Variants in PASK observed in about 807,000 individuals in gnomAD.
PASK encodes the protein PAS domain-containing serine/threonine-protein kinase.
A neutral mutation model predicts 121.0 loss-of-function variants in PASK; 110 were observed. The observed-to-expected ratio is 0.91, with a 90% confidence interval of 0.78 to 1.06. The LOEUF (loss-of-function observed/expected upper bound fraction) is 1.06. Ranked by LOEUF, PASK falls within the 50% of genes least tolerant of loss-of-function variation. PASK has a pLI of 0.00. For missense variants in PASK, 1,643 were observed against 1,702.3 expected (o/e 0.97, Z 0.61); for synonymous variants, 686 against 717.8 (o/e 0.96, Z 0.71).
At chr2:241,118,886 C>T (rs1430228099) in intron 12 of PASK, 1 of 1,008,182 alleles carries the variant, frequency 9.9e-7, no homozygotes, top group Non-Finnish European at 1.2e-6. Context: ...AGCTCCTGGA[C>T]CCGCAGCAGC....
Position 241,126,802 on chromosome 2 carries a change from A to T in PASK, c.2113T>A (p.Cys705Ser). 1 of 1,613,944 alleles carries T rather than the reference A, an allele frequency of 6.2e-7. No individual in the cohort carries two copies. Among genetic ancestry groups the T allele is most frequent in the Non-Finnish European group, 8.5e-7 (1 of 1,179,932 alleles). The change falls in exon 10 of 18, where the codon TGC becomes AGC. Residue 705 changes from cysteine (C) to serine (S), a missense_variant. Coordinates refer to ENST00000234040, the MANE Select transcript of PASK (RefSeq NM_015148.4). ...GAGGAGCTGCCCGTGCAGCCACCGC[A>T]CAGGTCTCTGCCTCCCAGATCGCAG... is the stretch of plus-strand genomic sequence containing the variant. ...SSCDLGGRDL[C>S]GGCTGSSSAC...
rs768587311 is a variant in PASK, at chr2:241,132,884, G to A, written c.1453C>T (p.Pro485Ser). 1.2e-6 allele frequency: 2 copies of A among 1,613,888 alleles called. No individual in the cohort carries two copies. Among genetic ancestry groups the A allele is most frequent in the South Asian group, 2.2e-5 (2 of 91,082 alleles). Residue 485 changes from proline to serine, a missense_variant, in exon 9 of 18, where the codon CCT becomes TCT. Physicochemically the swap from Pro to Ser is moderately conservative, Grantham distance 74. Around this residue, in one of 3 missense-constraint regions of PASK, gnomAD observed 1,176 missense variants for 1,162.2 expected, o/e 1.01. Transcript: ENST00000234040. ...GQLLSCLSPQPAPGVDNVPEG... is the reference protein window; with the variant it reads ...GQLLSCLSPQSAPGVDNVPEG... ...CACCAAGGGACTTACCCTGGAGCAG[G>A]CTGAGGTGAGAGGCAGGAAAGGAGC... is the stretch of plus-strand genomic sequence containing the variant.
chr2:241,127,758 G>A (rs1450959011), intron 9 of PASK: 6 of 404,284 alleles, frequency 1.5e-5, no homozygotes, highest in Admixed American at 3.5e-5. Context: ...CAAACCCCCC[G>A]TCAGCCGTGC....
intron 12 of PASK, among the ~76,000 whole-genome samples, chr2:241,120,489 T>G (rs1218230991): frequency 2.3e-5 from 3 of 133,186 alleles, no homozygotes; most frequent in Non-Finnish European, 5.1e-5. Context: ...CAAGACTCTG[T>G]CTCAAAAGAA....
Position 241,139,877 on chromosome 2 carries a change from C to A in PASK, c.600+8G>T. The A allele has an allele frequency of 6.2e-7, 1 of 1,613,758 alleles. No individual in the cohort carries two copies. On this transcript the variant is annotated splice_region_variant and intron_variant, in intron 4 of 17. Transcript: ENST00000234040. ...GCCAGACTGAACGCTGCACCCGCAT[C>A]CACTCACCACCGTGCCAAACACCAC...
rs754967605 is a variant in PASK, at chr2:241,126,472, C to A, written c.2443G>T (p.Glu815Ter). Residue 815 changes from glutamate (E) to a stop codon, truncating the protein, a stop_gained, in exon 10 of 18, where the codon GAG (glutamate) becomes TAG (stop). Coordinates refer to ENST00000234040, the MANE Select transcript of PASK (RefSeq NM_015148.4). LOFTEE classifies it high-confidence loss of function. ...GTTGGATCATGTCCCACACAGCTCT[C>A]CCGGAACCGTCGGCCTTGGCCAAGG... The part of the protein sequence containing the change: ...VDLGQGRRFR[E>*]SCVGHDPTEP... 3 of 1,614,250 alleles carry A rather than the reference C, an allele frequency of 1.9e-6. No homozygotes were observed. Among genetic ancestry groups the A allele is most frequent in the Non-Finnish European group, 2.5e-6 (3 of 1,180,030 alleles).
intron 12 of PASK, among the ~76,000 whole-genome samples, chr2:241,119,729 C>CA (rs1178346840): frequency 6.6e-6 from 1 of 152,124 alleles, no homozygotes; most frequent in Non-Finnish European, 1.5e-5. Flanking sequence ...CTTGGCCTCC[C>CA]AAAGTGCTGG....
At position 241,140,653 on chromosome 2, in the gene PASK, G is replaced by C. The variant is rs570353429; in HGVS notation, c.297C>G (p.Ser99=). 6.2e-7 allele frequency: 1 copy of C among 1,614,068 alleles called. No homozygotes were observed. The highest frequency in any genetic ancestry group is 1.3e-5 in the African/African-American group (1 of 75,046). The change falls in exon 3 of 18, where the codon TCC becomes TCG. Residue 99 remains serine (S), a synonymous_variant. Coordinates refer to ENST00000234040, the MANE Select transcript of PASK (RefSeq NM_015148.4). ...CPAAPEHTDP[S]EPRGSVSCCS... is the part of the protein sequence containing the mutation. Reference sequence around the variant, plus strand: ...AGCAGGACACACTGCCCCGCGGTTCGGACGGGTCCGTGTGCTCAGGGGCAG... The same window carrying C: ...AGCAGGACACACTGCCCCGCGGTTCCGACGGGTCCGTGTGCTCAGGGGCAG...
chr2:241,129,115 G>A (rs1179301006), intron 9 of PASK, among the ~76,000 whole-genome samples: 1 of 152,046 alleles, frequency 6.6e-6, no homozygotes, highest in East Asian at 1.9e-4. Flanking sequence ...CCATGCAAAT[G>A]CTAGGAAACT....
At chr2:241,149,563 T>C (rs550186031), upstream of PASK, 46 of 1,270,184 alleles carry the variant, frequency 3.6e-5, no homozygotes, top group African/African-American at 6.5e-4. Flanking sequence ...GGGACTAAGC[T>C]AGCCAGAGTC....
intron 2 of PASK, among the ~76,000 whole-genome samples, chr2:241,141,626 ACT>A (rs933191562): frequency 4.6e-5 from 7 of 151,138 alleles, no homozygotes; most frequent in Admixed American, 4.6e-4. Flanking sequence ...TGCACTGAAG[ACT>A]CTCACACTCG....
Position 241,127,339 on chromosome 2 carries a change from CG to C in PASK, c.1575del (p.Gly526AspfsTer15). The C allele has an allele frequency of 1.2e-6, 2 of 1,614,192 alleles. No homozygotes were observed. The highest frequency in any genetic ancestry group is 2.7e-5 in the African/African-American group (2 of 75,048). The part of the protein sequence containing the change: ...GREEPVAIES[P>X]GQDLLGESRS... ...CTGCTTTCTCCCAGAAGATCCTGTC[CG>C]GGGCTCTCTATTGCCACAGGTTCCT... is the stretch of plus-strand genomic sequence containing the variant. On this transcript the variant is annotated frameshift_variant, in exon 10 of 18. Coordinates refer to ENST00000234040, the MANE Select transcript of PASK (RefSeq NM_015148.4). LOFTEE classifies it high-confidence loss of function.
rs11280065 is a variant in PASK, at chr2:241,113,999, TTAGAGTA to T, written c.3333+1037_3333+1043del. The T allele has an allele frequency of 0.028, 28,028 of 984,140 alleles. 3,128 individuals carry two copies. The African/African-American group carries it at 0.29, about 10-fold the overall frequency. The allele number at this position is 984,140 out of a possible 1,614,324, so 61.0% of individuals were successfully genotyped here. A position where few individuals can be genotyped will look rare whatever the true frequency, so the allele number is the denominator to read the frequency against. On this transcript the variant is annotated intron_variant, in intron 14 of 17. Transcript: ENST00000234040. ...GGTAGAGATTCTTTTGGCAAAAATTTTAGAGTATAAACACCATAATTATGTGTCTCAC... is the reference window on the plus strand; with the variant it reads ...GGTAGAGATTCTTTTGGCAAAAATTTTAAACACCATAATTATGTGTCTCAC...
intron 11 of PASK, among the ~76,000 whole-genome samples, chr2:241,123,649 T>A (rs890879820): frequency 6.6e-6 from 1 of 151,730 alleles, no homozygotes; most frequent in Non-Finnish European, 1.5e-5. Flanking sequence ...AGAAACCCAG[T>A]CTCTACTAAA....
At chr2:241,148,495 T>C (rs966265344) in intron 1 of PASK, among the ~76,000 whole-genome samples, 2 of 151,998 alleles carry the variant, frequency 1.3e-5, no homozygotes, top group African/African-American at 4.8e-5. Context: ...AGTGAAGAAG[T>C]CTTTCAGAGG....
At chr2:241,115,588 C>G (rs1373157580) in intron 12 of PASK, among the ~76,000 whole-genome samples, 175 bp from the exon 13 acceptor site, 1 of 150,280 alleles carries the variant, frequency 6.7e-6, no homozygotes, top group Admixed American at 6.6e-5. Context: ...CAGGGCCACC[C>G]GGTCCCCAAG....
chr2:241,112,638 C>T lies in PASK; in HGVS notation c.3334-199G>A. ...AACAAAGCCCTTCAGGAGGCGTGTTCACTGGGGATGGCCACGTTAGCCGGC... is the reference window on the plus strand; with the variant it reads ...AACAAAGCCCTTCAGGAGGCGTGTTTACTGGGGATGGCCACGTTAGCCGGC... On this transcript the variant is annotated intron_variant, in intron 14 of 17. Coordinates refer to ENST00000234040, the MANE Select transcript of PASK (RefSeq NM_015148.4). This position sits in a 1 kb window ranked among gnomAD's most constrained non-coding sequence, Gnocchi z 5.2. 1.8e-6 allele frequency: 1 copy of T among 558,864 alleles called. No homozygotes were observed. The highest frequency in any genetic ancestry group is 4.8e-4 in the Middle Eastern group (1 of 2,082). The allele number at this position is 558,864 out of a possible 1,614,324, so 34.6% of individuals were successfully genotyped here.
intron 6 of PASK, 130 bp downstream of exon 6, chr2:241,137,823 C>T: frequency 1.0e-6 from 1 of 985,734 alleles, no homozygotes; most frequent in Non-Finnish European, 1.6e-6. Flanking sequence ...GCACAGGAAG[C>T]TCAAAACTGA....
intron 12 of PASK, among the ~76,000 whole-genome samples, chr2:241,117,539 C>T (rs1328350735): frequency 1.3e-5 from 2 of 152,202 alleles, no homozygotes; most frequent in African/African-American, 2.4e-5. Flanking sequence ...AAAGAATTAA[C>T]GGAACCAAAG....
Sources: allele counts gnomAD v4.1 joint callset (sites outside exome capture counted in the v4.1 genomes callset), GRCh38; gene constraint gnomAD v4.1.1; regional missense constraint gnomAD v4.1.1; non-coding constraint Gnocchi (gnomAD v3.1); transcripts MANE v1.5; gene names NCBI Gene and HGNC (gene_info 2026-07-23, HGNC 2026-07-21).